Variants in ZNF420 observed in about 807,000 individuals in gnomAD.
ZNF420 encodes ATM and p53-associated KZNF protein.
In ZNF420, 31 loss-of-function variants were observed where a neutral mutation model predicts 44.7. The ratio of observed to expected loss-of-function variants is 0.69; its 90% CI spans 0.52 to 0.94. The LOEUF (loss-of-function observed/expected upper bound fraction) is 0.94, where lower values mean the gene tolerates loss of function less well. Among genes scored for constraint, ZNF420 ranks in the 40% least tolerant of loss-of-function variants. ZNF420 has a pLI of 0.00. For missense variants in ZNF420, 681 were observed against 827.9 expected, an observed-to-expected ratio of 0.82 and a Z score of 2.18; for synonymous variants, 245 against 267.4, an observed-to-expected ratio of 0.92 and a Z score of 0.82.
Position 37,130,265 on chromosome 19 carries a change from T to TGG in ZNF420, c.*1208_*1209dup. 1 of 1,454,886 alleles carries TGG rather than the reference T, an allele frequency of 6.9e-7. No homozygotes were observed. The allele number at this position is 1,454,886 out of a possible 1,614,324, so 90.1% of individuals were successfully genotyped here. On this transcript the variant is annotated 3_prime_UTR_variant, in exon 5 of 5. Coordinates refer to ENST00000337995, the MANE Select transcript of ZNF420 (RefSeq NM_144689.5). Reference sequence around the variant, plus strand: ...CTTTGTGGAACAGCCATACTAGCTCTGGTCTGCTTGCCTCCTGTTTCTCTT... The same window carrying TGG: ...CTTTGTGGAACAGCCATACTAGCTCTGGGGTCTGCTTGCCTCCTGTTTCTCTT...
At chr19:37,042,681 C>T (rs996524101) in intron 1 of ZNF420, among the ~76,000 whole-genome samples, 4 of 152,176 alleles carry the variant, frequency 2.6e-5, no homozygotes, top group African/African-American at 9.6e-5. Flanking sequence ...GTAATTAGGG[C>T]TTTGTTTTTT....
chr19:37,055,867 A>C (rs1310905539), intron 1 of ZNF420, among the ~76,000 whole-genome samples: 2 of 152,214 alleles, frequency 1.3e-5, no homozygotes, highest in African/African-American at 4.8e-5. Context: ...GCCTGCCCGG[A>C]TGGTGTTTGG....
In ZNF420 at chr19:37,127,755, A is replaced by T; in HGVS notation, c.764A>T (p.Glu255Val). The T allele has an allele frequency of 1.2e-6, 2 of 1,614,044 alleles. No individual in the cohort carries two copies. The highest frequency in any genetic ancestry group is 1.7e-6 in the Non-Finnish European group (2 of 1,179,966). ...HTGEKPYECK[E>V]CGKAFTQNSQ... ...GGTGAGAAACCTTATGAATGTAAAG[A>T]ATGTGGGAAGGCCTTTACTCAGAAT... The change falls in exon 5 of 5, where the codon GAA becomes GTA. Residue 255 changes from glutamate to valine, a missense_variant. Glu to Val is a moderately radical substitution (Grantham distance 121). Transcript: ENST00000337995.
At position 37,127,257 on chromosome 19, in the gene ZNF420, A is replaced by G; in HGVS notation, c.266A>G (p.Tyr89Cys). ...CDLEESNSRD[Y>C]LEAKGKMEKQ... ...CTTGAAGAGTCCAATTCCAGGGATT[A>G]TTTGGAAGCCAAAGGCAAGATGGAG... The change falls in exon 5 of 5, where the codon TAT becomes TGT. Residue 89 changes from tyrosine to cysteine, a missense_variant. Physicochemically the swap from Tyr to Cys is radical, Grantham distance 194. Transcript: ENST00000337995. 1 of 1,613,700 alleles carries G rather than the reference A, an allele frequency of 6.2e-7. No homozygotes were observed. The highest frequency in any genetic ancestry group is 1.1e-5 in the South Asian group (1 of 90,990).
chr19:37,123,060 TCTTC>T (rs1363032936), intron 4 of ZNF420, among the ~76,000 whole-genome samples: 2 of 152,172 alleles, frequency 1.3e-5, no homozygotes, highest in African/African-American at 4.8e-5. Context: ...ACCTGCATAG[TCTTC>T]CTTGTCTTCT....
chr19:37,015,954 G>C (rs953092146), intron 1 of ZNF420, among the ~76,000 whole-genome samples: 6 of 152,112 alleles, frequency 3.9e-5, no homozygotes, highest in African/African-American at 1.2e-4. Context: ...CCTTGGTCTG[G>C]CTCTACATTC....
In ZNF420 at chr19:37,128,708, C is replaced by G. The variant is rs758350127; in HGVS notation, c.1717C>G (p.Gln573Glu). The G allele has an allele frequency of 2.5e-6, 4 of 1,613,822 alleles. No homozygotes were observed. In the East Asian group the frequency reaches 8.9e-5, roughly 36 times the overall value. ...ECGKAFIRGS[Q>E]LTQHQRIHTG... ...TGGGAAAGCCTTTATTCGTGGTTCACAGTTGACTCAACATCAGCGAATTCA... is the reference window on the plus strand; with the variant it reads ...TGGGAAAGCCTTTATTCGTGGTTCAGAGTTGACTCAACATCAGCGAATTCA... Residue 573 changes from glutamine to glutamate, a missense_variant, in exon 5 of 5, where the codon CAG (glutamine) becomes GAG (glutamate). Transcript: ENST00000337995.
intron 4 of ZNF420, among the ~76,000 whole-genome samples, chr19:37,123,825 G>A (rs1486231395): frequency 6.6e-6 from 1 of 151,302 alleles, no homozygotes; most frequent in African/African-American, 2.4e-5. Flanking sequence ...AGCCAAGATG[G>A]TCTCAATCTC....
chr19:37,008,306 TTCTC>T (rs1421175120), intron 1 of ZNF420, among the ~76,000 whole-genome samples: 2 of 152,084 alleles, frequency 1.3e-5, no homozygotes, highest in Non-Finnish European at 2.9e-5. Flanking sequence ...CTCTGTTTCT[TTCTC>T]TGTGTGTGTG....
At chr19:37,113,155 T>C (rs1312883767) in intron 4 of ZNF420, among the ~76,000 whole-genome samples, 1 of 152,242 alleles carries the variant, frequency 6.6e-6, no homozygotes, top group Non-Finnish European at 1.5e-5. Flanking sequence ...TGCCCATTTT[T>C]ATCAAATTTA....
intron 1 of ZNF420, among the ~76,000 whole-genome samples, chr19:37,055,393 GCTC>G (rs949990138): frequency 3.9e-5 from 6 of 152,258 alleles, no homozygotes; most frequent in Admixed American, 3.9e-4. Context: ...GCGACCTGAA[GCTC>G]CTCCTCCACC....
intron 1 of ZNF420, among the ~76,000 whole-genome samples, chr19:37,057,035 A>G (rs1276839755): frequency 2.0e-5 from 3 of 152,252 alleles, no homozygotes; most frequent in Non-Finnish European, 4.4e-5. Context: ...CTCCCATCAC[A>G]GTGAGTCCCA....
At chr19:37,123,897 T>TGC (rs1971202841) in intron 4 of ZNF420, among the ~76,000 whole-genome samples, 2 of 152,216 alleles carry the variant, frequency 1.3e-5, no homozygotes, top group South Asian at 4.2e-4. Context: ...CATGAGCCAC[T>TGC]GCGCCCAGCC....
intron 1 of ZNF420, among the ~76,000 whole-genome samples, chr19:37,022,957 G>A (rs375650007): frequency 5.9e-5 from 9 of 152,098 alleles, no homozygotes; most frequent in East Asian, 1.9e-4. Flanking sequence ...CCAACATGGC[G>A]AAACCCAATC....
rs145684312 is a variant in ZNF420, at chr19:37,016,158, A to G, written c.-125+8076A>G. Among the ~76,000 whole-genome samples, 302 of 152,280 alleles carry G rather than the reference A, an allele frequency of 2.0e-3. 2 individuals are homozygous for G. The highest frequency in any genetic ancestry group is 9.5e-3 in the East Asian group (49 of 5,178). On this transcript the variant is annotated intron_variant, in intron 1 of 4. Coordinates refer to the ZNF420 transcript ENST00000587029. ...TCCGTCAGATGACTGCATGATTCCC[A>G]TAGGATGAGAGGTAGTCAGCCATGG...
At chr19:37,035,764 T>G (rs1463517892) in intron 1 of ZNF420, among the ~76,000 whole-genome samples, 1 of 152,140 alleles carries the variant, frequency 6.6e-6, no homozygotes, top group Admixed American at 6.6e-5. Flanking sequence ...TGTAAGGGCC[T>G]TTGACAAGAG....
At chr19:37,038,692 C>T (rs1967399862) in intron 1 of ZNF420, among the ~76,000 whole-genome samples, 1 of 152,122 alleles carries the variant, frequency 6.6e-6, no homozygotes, top group Non-Finnish European at 1.5e-5. Flanking sequence ...GTGGCTCAGG[C>T]CTGTAATCCC....
intron 1 of ZNF420, among the ~76,000 whole-genome samples, chr19:37,023,415 G>A (rs1433892185): frequency 6.6e-6 from 1 of 151,872 alleles, no homozygotes; most frequent in African/African-American, 2.4e-5. Context: ...GCCCGTGCTG[G>A]AGTGCAGTGG....
At chr19:37,112,329 ATTG>A (rs1343889370) in intron 4 of ZNF420, among the ~76,000 whole-genome samples, 1 of 151,930 alleles carries the variant, frequency 6.6e-6, no homozygotes, top group Non-Finnish European at 1.5e-5. Context: ...TCCTCACCCC[ATTG>A]TTGTAATAAA....
Sources: allele counts gnomAD v4.1 joint callset (sites outside exome capture counted in the v4.1 genomes callset), GRCh38; gene constraint gnomAD v4.1.1; transcripts MANE v1.5; gene names NCBI Gene and HGNC (gene_info 2026-07-23, HGNC 2026-07-21).